Variants in WDR82 observed in about 807,000 individuals in gnomAD.
WDR82 encodes WD repeat domain 82.
A neutral mutation model predicts 36.1 loss-of-function variants in WDR82; 8 were observed. That is an observed-to-expected ratio of 0.22 (90% CI 0.13 to 0.40). WDR82 has a LOEUF of 0.40. WDR82 is among the 10% of genes least tolerant of loss of function. The pLI, the probability that WDR82 is intolerant of heterozygous loss-of-function variation, is 1.00. For synonymous variants in WDR82, 129 were observed against 137.8 expected (o/e 0.94, Z 0.45); for missense variants, 185 against 400.5 (o/e 0.46, Z 4.59).
At chr3:52,277,328 G>GC (rs1378212993) in intron 1 of WDR82, among the ~76,000 whole-genome samples, 2 of 152,102 alleles carry the variant, frequency 1.3e-5, no homozygotes, top group Non-Finnish European at 2.9e-5. Flanking sequence ...GCGAAAAGAT[G>GC]CAGGTATGGT....
chr3:52,271,315 T>C (rs1287902683), intron 1 of WDR82, among the ~76,000 whole-genome samples: 2 of 152,216 alleles, frequency 1.3e-5, no homozygotes, highest in Non-Finnish European at 2.9e-5. Context: ...TAAAATGCTG[T>C]ACAGGTTTGT....
chr3:52,260,002 CTCTA>C (rs1360814669), intron 5 of WDR82, 130 bp from the exon 6 acceptor site: 3 of 1,174,338 alleles, frequency 2.6e-6, no homozygotes, highest in Non-Finnish European at 3.5e-6. Flanking sequence ...CTCTGCCACT[CTCTA>C]ATATCTACCA....
intron 5 of WDR82, among the ~76,000 whole-genome samples, chr3:52,260,173 C>CA (rs1475962329): frequency 6.6e-6 from 1 of 152,048 alleles, no homozygotes; most frequent in Non-Finnish European, 1.5e-5. Flanking sequence ...CTACTAAATA[C>CA]AAAAAATTAG....
At chr3:52,271,758 A>G (rs1405160543) in intron 1 of WDR82, among the ~76,000 whole-genome samples, 2 of 152,230 alleles carry the variant, frequency 1.3e-5, no homozygotes, top group Non-Finnish European at 2.9e-5. Context: ...TCTCTAGCAA[A>G]ACCAGTTAAA....
chr3:52,261,073 T>G (rs991085721), intron 4 of WDR82, among the ~76,000 whole-genome samples: 4 of 152,108 alleles, frequency 2.6e-5, no homozygotes, highest in South Asian at 2.1e-4. Flanking sequence ...TGCGGTGAGC[T>G]GAGATTGCAC....
intron 3 of WDR82, among the ~76,000 whole-genome samples, chr3:52,262,080 G>A (rs1264313314): frequency 6.6e-6 from 1 of 152,192 alleles, no homozygotes; most frequent in Non-Finnish European, 1.5e-5. Flanking sequence ...GCAATAAAAA[G>A]TAATAAAGTA....
At chr3:52,265,101 C>A (rs1002192684) in intron 3 of WDR82, among the ~76,000 whole-genome samples, 2 of 151,724 alleles carry the variant, frequency 1.3e-5, no homozygotes, top group Non-Finnish European at 2.9e-5. Context: ...GGATCAGGGA[C>A]CATCCTGGGT....
intron 3 of WDR82, among the ~76,000 whole-genome samples, chr3:52,264,651 T>C (rs913617125): frequency 3.3e-5 from 5 of 152,018 alleles, no homozygotes; most frequent in South Asian, 4.2e-4. Context: ...AGTAAATTTG[T>C]AGGCAACAAA....
intron 1 of WDR82, among the ~76,000 whole-genome samples, chr3:52,274,344 G>T (rs1700181982): frequency 6.6e-6 from 1 of 151,538 alleles, no homozygotes; most frequent in Admixed American, 6.6e-5. Context: ...TAGGTGAGAG[G>T]ATCGCTTGAG....
At position 52,272,099 on chromosome 3, in the gene WDR82, C is replaced by CA. The variant is rs1700159600; in HGVS notation, c.162-1291dup. On this transcript the variant is annotated intron_variant, in intron 1 of 8. Coordinates refer to ENST00000296490, the MANE Select transcript of WDR82 (RefSeq NM_025222.4). Reference sequence around the variant, plus strand: ...AGTGAGACTCCACCTCAATAACAGACAAAAAATCACACATTTCCAAGCTAG... The same window carrying CA: ...AGTGAGACTCCACCTCAATAACAGACAAAAAAATCACACATTTCCAAGCTAG... Among the ~76,000 whole-genome samples, 4 of 152,068 alleles carry CA rather than the reference C, an allele frequency of 2.6e-5. No individual in the cohort carries two copies. The South Asian group carries it at 8.3e-4, about 32-fold the overall frequency.
In WDR82 at chr3:52,260,325, G is replaced by C. The variant is rs1055487088; in HGVS notation, c.543+60C>G. The C allele has an allele frequency of 4.6e-6, 6 of 1,311,820 alleles. No homozygotes were observed. In the African/African-American group the frequency reaches 9.2e-5, roughly 20 times the overall value. 81.3% of individuals were successfully genotyped at this position (1,311,820 alleles called of 1,614,324 possible). ...GCCTGGGCAATAAGAGCAAAACTCT[G>C]TCTCAAAAACAAAACAAAACAAAAA... On this transcript the variant is annotated intron_variant, in intron 5 of 8. Coordinates refer to ENST00000296490, the MANE Select transcript of WDR82 (RefSeq NM_025222.4).
intron 3 of WDR82, among the ~76,000 whole-genome samples, chr3:52,263,157 C>T (rs1014723402): frequency 4.6e-5 from 7 of 152,126 alleles, no homozygotes; most frequent in Non-Finnish European, 7.4e-5. Context: ...GAGCAGAACA[C>T]GTTGTGGACA....
intron 3 of WDR82, among the ~76,000 whole-genome samples, chr3:52,263,435 C>T (rs1047190248): frequency 6.6e-6 from 1 of 152,130 alleles, no homozygotes; most frequent in African/African-American, 2.4e-5. Flanking sequence ...AGGGACAGAA[C>T]CTGACTACAA....
Position 52,277,065 on chromosome 3 carries a change from A to AAATAATAATAATAAT in WDR82, c.161+1121_161+1135dup, listed in dbSNP as rs71084177. The stretch of plus-strand genomic sequence containing the variant: ...AAGGTGGAGAAAAACCCAAGATCTC[A>AAATAATAATAATAAT]AATAATAATAATAATAATAATAATA... On this transcript the variant is annotated intron_variant, in intron 1 of 8. Transcript: ENST00000296490. Among the ~76,000 whole-genome samples the AAATAATAATAATAAT allele has an allele frequency of 1.0e-3, 143 of 141,020 alleles. 1 individual carries two copies. Among genetic ancestry groups the AAATAATAATAATAAT allele is most frequent in the Middle Eastern group, 3.7e-3 (1 of 270 alleles). The allele number at this position is 141,020 out of a possible 152,430, so 92.5% of individuals were successfully genotyped here.
Position 52,268,723 on chromosome 3 carries a change from TA to T in WDR82, c.260-1706del, listed in dbSNP as rs775719787. 7.5e-3 allele frequency among the ~76,000 whole-genome samples: 1,046 copies of T among 138,934 alleles called. 6 individuals are homozygous for T. Among genetic ancestry groups the T allele is most frequent in the South Asian group, 0.027 (118 of 4,438 alleles). The allele number at this position is 138,934 out of a possible 152,430, so 91.1% of individuals were successfully genotyped here. On this transcript the variant is annotated intron_variant, in intron 2 of 8. Transcript: ENST00000296490. ...ATCAATACAGGCAGAAGAGTCTCAT[TA>T]AAAAAAAAAAAAAATGGAAAAAAGG...
chr3:52,265,571 T>A lies in WDR82; in HGVS notation c.326+1381A>T, dbSNP rs1376623570. Reference sequence around the variant, plus strand: ...CTGCCCAACTGGAAGTGCAACTTTTTTTTTTTTTTTTTTTTTTTGAGACAG... The same window carrying A: ...CTGCCCAACTGGAAGTGCAACTTTTATTTTTTTTTTTTTTTTTTGAGACAG... On this transcript the variant is annotated intron_variant, in intron 3 of 8. Transcript: ENST00000296490. Among the ~76,000 whole-genome samples the A allele has an allele frequency of 2.7e-5, 4 of 147,150 alleles. No individual in the cohort carries two copies. In the East Asian group the frequency reaches 7.8e-4, roughly 29 times the overall value.
At chr3:52,269,674 G>A (rs950169819) in intron 2 of WDR82, among the ~76,000 whole-genome samples, 1 of 152,130 alleles carries the variant, frequency 6.6e-6, no homozygotes, top group African/African-American at 2.4e-5. Context: ...AGGTTGCAGC[G>A]AGCTGAGATC....
chr3:52,270,695 TA>T lies in WDR82; in HGVS notation c.259+16del. 2 of 1,595,786 alleles carry T rather than the reference TA, an allele frequency of 1.3e-6. No individual in the cohort carries two copies. The highest frequency in any genetic ancestry group is 1.3e-5 in the African/African-American group (1 of 74,172). Reference sequence around the variant, plus strand: ...AAAGGAAACCATGACCTTAACTTCCTAAAAAGGCTTGCTTACCGTCTATTTT... The same window carrying T: ...AAAGGAAACCATGACCTTAACTTCCTAAAAGGCTTGCTTACCGTCTATTTT... On this transcript the variant is annotated intron_variant, in intron 2 of 8. Coordinates refer to ENST00000296490, the MANE Select transcript of WDR82 (RefSeq NM_025222.4).
chr3:52,277,025 AAGGAAC>A (rs1311837706), intron 1 of WDR82, among the ~76,000 whole-genome samples: 1 of 150,086 alleles, frequency 6.7e-6, no homozygotes, highest in Non-Finnish European at 1.5e-5. Flanking sequence ...AAAAAGGAAA[AAGGAAC>A]AGCTGGAGAA....
Sources: gnomAD v4.1 joint callset for allele counts (sites outside exome capture counted in the v4.1 genomes callset) on GRCh38, gnomAD v4.1.1 for gene constraint, MANE v1.5 for transcripts, NCBI Gene and HGNC (gene_info 2026-07-23, HGNC 2026-07-21) for gene names.